The following ARIH2 variants were observed in gnomAD, a reference collection of about 807,000 sequenced individuals.
ARIH2 encodes the protein ariadne RBR E3 ubiquitin protein ligase 2.
Under a neutral mutation model 79.8 loss-of-function variants are expected in ARIH2, and 12 were observed. The observed-to-expected ratio is 0.15, with a 90% CI of 0.10 to 0.24. The LOEUF is 0.24. Ranked by LOEUF, ARIH2 falls within the 10% of genes least tolerant of loss-of-function variation. The pLI is 1.00. For missense variants in ARIH2, 301 were observed against 618.3 expected (o/e 0.49, Z 5.44); for synonymous variants, 224 against 213.9 (o/e 1.05, Z -0.41).
At chr3:48,921,378 C>T (rs2084790290) in intron 1 of ARIH2, 1 of 145,134 alleles carries the variant, frequency 6.9e-6, no homozygotes, top group Admixed American at 7.0e-5. Context: ...TTGGAGGAGC[C>T]TGGAGTTTTC....
intron 3 of ARIH2, among the ~76,000 whole-genome samples, chr3:48,942,044 C>T (rs1015356581): frequency 1.7e-4 from 23 of 133,474 alleles, no homozygotes; most frequent in Admixed American, 4.4e-4. Context: ...CGCAACCATA[C>T]CTGGCTAATT....
At chr3:48,979,408 T>C in intron 11 of ARIH2, 74 bp from the exon 12 acceptor site, 1 of 1,530,512 alleles carries the variant, frequency 6.5e-7, no homozygotes, top group Non-Finnish European at 8.9e-7. Flanking sequence ...GGTCTGTCTG[T>C]CTCACTCCTC....
chr3:48,940,228 G>A (rs1274401121), intron 3 of ARIH2, among the ~76,000 whole-genome samples: 2 of 152,142 alleles, frequency 1.3e-5, no homozygotes, highest in African/African-American at 4.8e-5. Context: ...AAATTAGCTG[G>A]GCGTGGTGGC....
At chr3:48,936,400 CTAAACTT>C (rs1189342453) in intron 3 of ARIH2, among the ~76,000 whole-genome samples, 1 of 152,180 alleles carries the variant, frequency 6.6e-6, no homozygotes, top group Non-Finnish European at 1.5e-5. Flanking sequence ...CCTTTTCTAT[CTAAACTT>C]TAAACTTTTA....
Position 48,925,862 on chromosome 3 carries a change from C to T in ARIH2, c.-97-1600C>T, listed in dbSNP as rs1355553037. ...GCCACCTGAGTAGCTGGGGATTACA[C>T]GCACGCACCACCACGTATAGCTAAT... On this transcript the variant is annotated intron_variant, in intron 2 of 15. Transcript: ENST00000356401. Among the ~76,000 whole-genome samples, 8 of 151,656 alleles carry T rather than the reference C, an allele frequency of 5.3e-5. No homozygotes were observed. The East Asian group carries it at 5.8e-4, about 11-fold the overall frequency.
intron 11 of ARIH2, among the ~76,000 whole-genome samples, chr3:48,976,418 C>T (rs2092504044): frequency 6.6e-6 from 1 of 151,938 alleles, no homozygotes; most frequent in African/African-American, 2.4e-5. Flanking sequence ...ACCATGTTGG[C>T]CAGGCTGGTC....
chr3:48,924,682 A>ATTTATTT (rs546763119), intron 2 of ARIH2: 3 of 150,408 alleles, frequency 2.0e-5, no homozygotes, highest in African/African-American at 7.4e-5. Flanking sequence ...TGCCAAGCTA[A>ATTTATTT]TTTATTTTTT....
chr3:48,954,047 G>A (rs746895224), intron 3 of ARIH2, among the ~76,000 whole-genome samples: 32 of 152,050 alleles, frequency 2.1e-4, no homozygotes, highest in Non-Finnish European at 3.7e-4. Context: ...TGTAATCACC[G>A]CTACTTGGGA....
intron 3 of ARIH2, chr3:48,934,988 T>G: frequency 1.0e-6 from 1 of 978,294 alleles, no homozygotes; most frequent in Non-Finnish European, 1.2e-6. Context: ...GACATTTATA[T>G]TTTAATCTTG....
At chr3:48,956,439 C>CTTTTTTTTTTTT (rs34693818) in intron 3 of ARIH2, among the ~76,000 whole-genome samples, 1 of 36,258 alleles carries the variant, frequency 2.8e-5, no homozygotes, top group Non-Finnish European at 5.1e-5. Context: ...GCGCCCGGCA[C>CTTTTTTTTTTTT]TTTTTTTTTT....
At position 48,926,912 on chromosome 3, in the gene ARIH2, C is replaced by CCT. The variant is rs537664165; in HGVS notation, c.-97-549_-97-548dup. ...GCAGACTAGAGGAGGATGTTGAACA[C>CCT]CTATGTGTGTTTTTTTTTTCTTTAC... On this transcript the variant is annotated intron_variant, in intron 2 of 15. Coordinates refer to ENST00000356401, the MANE Select transcript of ARIH2 (RefSeq NM_006321.4). 4.6e-3 allele frequency: 699 copies of CCT among 153,392 alleles called. 4 individuals are homozygous for CCT. Among genetic ancestry groups the CCT allele is most frequent in the Non-Finnish European group, 8.1e-3 (557 of 68,880 alleles). 9.5% of individuals were successfully genotyped at this position (153,392 alleles called of 1,614,324 possible).
chr3:48,925,635 G>A (rs2085473156), intron 2 of ARIH2, among the ~76,000 whole-genome samples: 1 of 150,954 alleles, frequency 6.6e-6, no homozygotes, highest in South Asian at 2.1e-4. Context: ...ATTTGCTTTT[G>A]TATTTAATCA....
At chr3:48,933,319 G>A (rs1394926978) in intron 3 of ARIH2, among the ~76,000 whole-genome samples, 1 of 149,402 alleles carries the variant, frequency 6.7e-6, no homozygotes, top group East Asian at 2.0e-4. Flanking sequence ...GCCCGGGGGT[G>A]TGTGTGTGTG....
chr3:48,981,968 C>T (rs1375716102), intron 14 of ARIH2, among the ~76,000 whole-genome samples: 2 of 152,170 alleles, frequency 1.3e-5, no homozygotes, highest in East Asian at 1.9e-4. Flanking sequence ...ATTTAAAGGG[C>T]GATTGGCTAA....
chr3:48,961,472 A>C, intron 3 of ARIH2, 140 bp from the exon 4 acceptor site: 1 of 523,682 alleles, frequency 1.9e-6, no homozygotes, highest in Non-Finnish European at 3.5e-6. Context: ...TAAAAGACAA[A>C]GCAGAGAACC....
intron 1 of ARIH2, among the ~76,000 whole-genome samples, chr3:48,919,693 T>C (rs1398030429): frequency 6.6e-6 from 1 of 152,234 alleles, no homozygotes; most frequent in Non-Finnish European, 1.5e-5. Context: ...TTTTTAAGTG[T>C]AATTAAATTT....
chr3:48,965,830 G>A (rs772176758), intron 5 of ARIH2, among the ~76,000 whole-genome samples: 2 of 151,976 alleles, frequency 1.3e-5, no homozygotes, highest in Admixed American at 6.6e-5. Context: ...GCCTGGTGGC[G>A]CATGCCTGTA....
intron 13 of ARIH2, among the ~76,000 whole-genome samples, 198 bp from the exon 14 acceptor site, chr3:48,981,462 T>G (rs2092749477): frequency 6.6e-6 from 1 of 152,206 alleles, no homozygotes; most frequent in Non-Finnish European, 1.5e-5. Context: ...GTGGGTGTTC[T>G]GTGACCATCG....
chr3:48,949,726 A>T (rs1295730226), intron 3 of ARIH2, among the ~76,000 whole-genome samples: 1 of 151,998 alleles, frequency 6.6e-6, no homozygotes, highest in Non-Finnish European at 1.5e-5. Context: ...TTTGTGCCTT[A>T]CTGAGTTCTA....
Sources: allele counts gnomAD v4.1 joint callset (sites outside exome capture counted in the v4.1 genomes callset), GRCh38; gene constraint gnomAD v4.1.1; transcripts MANE v1.5; gene names NCBI Gene and HGNC (gene_info 2026-07-23, HGNC 2026-07-21).